CTNND2: variants seen among roughly 807,000 people sequenced by gnomAD.
The protein encoded by CTNND2 is catenin delta-2.
A neutral mutation model predicts 144.4 loss-of-function variants in CTNND2; 22 were observed. The ratio of observed to expected loss-of-function variants is 0.15; its 90% CI spans 0.11 to 0.22. The LOEUF is 0.22. Ranked by LOEUF, CTNND2 falls within the 10% of genes least tolerant of loss-of-function variation. CTNND2 has a pLI of 1.00. For synonymous variants in CTNND2, 751 were observed against 695.6 expected (o/e 1.08, Z -1.25); for missense variants, 1,353 against 1,618.8 (o/e 0.84, Z 2.82).
chr5:11,797,453 G>C (rs556582320), intron 1 of CTNND2, among the ~76,000 whole-genome samples: 1 of 152,202 alleles, frequency 6.6e-6, no homozygotes, highest in South Asian at 2.1e-4. Context: ...ATTACCACAG[G>C]ATCAAATTGT....
intron 2 of CTNND2, among the ~76,000 whole-genome samples, chr5:11,605,635 T>C (rs1360037987): frequency 1.3e-5 from 2 of 152,000 alleles, no homozygotes; most frequent in African/African-American, 2.4e-5. Context: ...ATAATAGGAG[T>C]CATAAAGAAA....
At chr5:11,591,384 T>G (rs1002973589) in intron 2 of CTNND2, among the ~76,000 whole-genome samples, 9 of 152,172 alleles carry the variant, frequency 5.9e-5, no homozygotes, top group African/African-American at 2.2e-4. Context: ...AGGTGAGAAC[T>G]ATTGTAAAAA....
chr5:11,768,831 A>C (rs1171028592), intron 1 of CTNND2, among the ~76,000 whole-genome samples: 2 of 152,176 alleles, frequency 1.3e-5, no homozygotes, highest in East Asian at 1.9e-4. Flanking sequence ...TCAGGATCCC[A>C]GTTCCTTCTC....
chr5:11,553,427 G>A (rs912503642), intron 3 of CTNND2, among the ~76,000 whole-genome samples: 1 of 152,152 alleles, frequency 6.6e-6, no homozygotes, highest in Admixed American at 6.6e-5. Context: ...AATGAAAGAT[G>A]TTCTGTGTAT....
chr5:11,210,977 G>T (rs570422010), intron 10 of CTNND2, among the ~76,000 whole-genome samples: 1 of 152,194 alleles, frequency 6.6e-6, no homozygotes, highest in South Asian at 2.1e-4. Flanking sequence ...AACTGGAGGC[G>T]GCTTTACTGA....
At chr5:11,626,561 T>G (rs1781167587) in intron 2 of CTNND2, among the ~76,000 whole-genome samples, 1 of 152,164 alleles carries the variant, frequency 6.6e-6, no homozygotes, top group Admixed American at 6.5e-5. Context: ...TGTTAAGTGG[T>G]TGAGTCCTGG....
intron 3 of CTNND2, among the ~76,000 whole-genome samples, chr5:11,487,649 T>A (rs907101911): frequency 6.6e-6 from 1 of 152,154 alleles, no homozygotes; most frequent in Non-Finnish European, 1.5e-5. Context: ...TTAAATTATA[T>A]ATGCTTATAA....
chr5:11,229,672 G>A (rs1312179), intron 10 of CTNND2, among the ~76,000 whole-genome samples: 74,673 of 147,280 alleles, frequency 0.51, 19,108 homozygotes, highest in East Asian at 0.72. Context: ...GTGTGTGTGT[G>A]TATATATATA....
chr5:11,606,833 C>G (rs1419615032), intron 2 of CTNND2, among the ~76,000 whole-genome samples: 3 of 152,166 alleles, frequency 2.0e-5, no homozygotes. Context: ...TTAAGAAGCA[C>G]AGGAGATTAC....
Position 11,384,476 on chromosome 5 carries a change from G to A in CTNND2, c.1177+189C>T. The stretch of plus-strand genomic sequence containing the variant: ...TGAGACACCACATTACTCCGGAAAA[G>A]AAGTCACTGACAAACTGTAGGGAAG... On this transcript the variant is annotated intron_variant, in intron 7 of 21. Coordinates refer to ENST00000304623, the MANE Select transcript of CTNND2 (RefSeq NM_001332.4). The surrounding 1 kb of genome is among the most constrained non-coding windows in gnomAD (Gnocchi z 5.2). The A allele has an allele frequency of 1.7e-6, 1 of 595,692 alleles. No homozygotes were observed. The highest frequency in any genetic ancestry group is 3.0e-6 in the Non-Finnish European group (1 of 337,504). The allele number at this position is 595,692 out of a possible 1,614,324, so 36.9% of individuals were successfully genotyped here.
chr5:11,140,438 A>G (rs987629455), intron 12 of CTNND2, among the ~76,000 whole-genome samples: 2 of 152,246 alleles, frequency 1.3e-5, no homozygotes, highest in African/African-American at 4.8e-5. Context: ...ATCTGATTAC[A>G]TTCAAACGAT....
chr5:11,756,240 A>T (rs1007248165), intron 1 of CTNND2, among the ~76,000 whole-genome samples: 6 of 151,700 alleles, frequency 4.0e-5, no homozygotes, highest in East Asian at 3.9e-4. Context: ...AATATAGAAA[A>T]TTTTTTTAAA....
At chr5:11,253,729 C>T (rs1743912857) in intron 9 of CTNND2, among the ~76,000 whole-genome samples, 1 of 152,150 alleles carries the variant, frequency 6.6e-6, no homozygotes, top group South Asian at 2.1e-4. Context: ...AAGAGTTATG[C>T]TATTTGTTGA....
At chr5:11,437,607 G>A (rs140871993) in intron 3 of CTNND2, among the ~76,000 whole-genome samples, 30 of 152,298 alleles carry the variant, frequency 2.0e-4, no homozygotes, top group Non-Finnish European at 3.4e-4. Flanking sequence ...GGCATAATAA[G>A]GGAAAGAGCA....
At chr5:11,652,405 C>T (rs2727593) in intron 2 of CTNND2, among the ~76,000 whole-genome samples, 53,363 of 152,044 alleles carry the variant, frequency 0.35, 12,514 homozygotes, top group African/African-American at 0.67. Context: ...ATAAATAACT[C>T]AGTCTCAGGT....
intron 8 of CTNND2, among the ~76,000 whole-genome samples, chr5:11,363,794 G>A (rs1238338111): frequency 6.6e-6 from 1 of 152,318 alleles, no homozygotes; most frequent in Middle Eastern, 3.4e-3. Context: ...AGTAGTCTGA[G>A]GATGTAGAGA....
At chr5:11,560,992 A>C (rs966258806) in intron 3 of CTNND2, among the ~76,000 whole-genome samples, 2 of 152,214 alleles carry the variant, frequency 1.3e-5, no homozygotes, top group Non-Finnish European at 2.9e-5. Context: ...TGACAAGGGC[A>C]GGTACTCAGG....
intron 6 of CTNND2, among the ~76,000 whole-genome samples, chr5:11,388,706 G>A (rs1327838152): frequency 6.6e-6 from 1 of 152,082 alleles, no homozygotes; most frequent in African/African-American, 2.4e-5. Context: ...GTAACTCTTT[G>A]TCAGTTAAGG....
At chr5:11,845,166 C>T (rs1181215898) in intron 1 of CTNND2, among the ~76,000 whole-genome samples, 2 of 152,170 alleles carry the variant, frequency 1.3e-5, no homozygotes, top group Non-Finnish European at 2.9e-5. Flanking sequence ...GACCTGAATG[C>T]TTGTCTTAGC....
Sources: allele counts gnomAD v4.1 joint callset (sites outside exome capture counted in the v4.1 genomes callset), GRCh38; gene constraint gnomAD v4.1.1; non-coding constraint Gnocchi (gnomAD v3.1); transcripts MANE v1.5; gene names NCBI Gene and HGNC (gene_info 2026-07-23, HGNC 2026-07-21).